KANK3: variants seen among roughly 807,000 people sequenced by gnomAD.
The protein encoded by KANK3 is KN motif and ankyrin repeat domains 3, also known as KN motif and ankyrin repeat domain-containing protein 3.
A neutral mutation model predicts 65.4 loss-of-function variants in KANK3; 61 were observed. The ratio of observed to expected loss-of-function variants is 0.93; its 90% CI spans 0.76 to 1.15. The LOEUF (loss-of-function observed/expected upper bound fraction) is 1.15, where lower values mean the gene tolerates loss of function less well. Among genes scored for constraint, KANK3 ranks in the 50% most tolerant of loss-of-function variants. The pLI is 0.00. For synonymous variants in KANK3, 586 were observed against 543.3 expected, an observed-to-expected ratio of 1.08 and a Z score of -1.09; for missense variants, 1,187 against 1,178.8, an observed-to-expected ratio of 1.01 and a Z score of -0.10.
At position 8,335,604 on chromosome 19, in the gene KANK3, C is replaced by G. The variant is rs1970623379; in HGVS notation, c.223G>C (p.Ala75Pro). 8.1e-7 allele frequency: 1 copy of G among 1,233,376 alleles called. No homozygotes were observed. Among genetic ancestry groups the G allele is most frequent in the East Asian group, 3.2e-5 (1 of 30,772 alleles). The allele number at this position is 1,233,376 out of a possible 1,614,324, so 76.4% of individuals were successfully genotyped here. A position where few individuals can be genotyped will look rare whatever the true frequency, so the allele number is the denominator to read the frequency against. ...PGPPTSRRPR[A>P]PRPGLAGARS... ...GCGCCCGCGAGGCCGGGCCGGGGCG[C>G]GCGGGGACGGCGCGAGGTCGGGGGT... is the stretch of plus-strand genomic sequence containing the variant. The change falls in exon 3 of 11, where the codon GCG becomes CCG. Residue 75 changes from alanine to proline, a missense_variant. Ala to Pro is a conservative substitution (Grantham distance 27). Coordinates refer to ENST00000330915, the MANE Select transcript of KANK3 (RefSeq NM_198471.3).
At chr19:8,336,552 C>G (rs1297103959) in intron 2 of KANK3, among the ~76,000 whole-genome samples, 1 of 150,880 alleles carries the variant, frequency 6.6e-6, no homozygotes, top group Non-Finnish European at 1.5e-5. Context: ...ACCTGGGCAA[C>G]AAAGTGAGAC....
intron 7 of KANK3, among the ~76,000 whole-genome samples, chr19:8,326,697 T>C (rs1451009642): frequency 1.3e-5 from 2 of 148,382 alleles, no homozygotes; most frequent in South Asian, 2.1e-4. Context: ...CTCAGGAGGC[T>C]GAGGCAGAAG....
rs992165749 is a variant in KANK3, at chr19:8,335,034, C to T, written c.793G>A (p.Ala265Thr). 7.2e-6 allele frequency: 10 copies of T among 1,392,842 alleles called. No homozygotes were observed. In the African/African-American group the frequency reaches 9.1e-5, roughly 13 times the overall value. The allele number at this position is 1,392,842 out of a possible 1,614,324, so 86.3% of individuals were successfully genotyped here. Residue 265 changes from alanine to threonine, a missense_variant, in exon 3 of 11, where the codon GCC (alanine) becomes ACC (threonine). By Grantham distance (58) the Ala-to-Thr change is moderately conservative (BLOSUM62 0). Transcript: ENST00000330915. The stretch of plus-strand genomic sequence containing the variant: ...TCTGGGCTGTCAGCCCGGGGGCTGG[C>T]CCTGGCACGGCCGCCGCGCTCGGAG... Reference protein sequence around the residue: ...ATSERGGRARASPRADSPDGL... With the variant: ...ATSERGGRARTSPRADSPDGL...
rs752300222 is a variant in KANK3, at chr19:8,333,161, C to T, written c.1789G>A (p.Val597Met). ...CTCACCCCTTCCAGCATCCTGGCCA[C>T]GGGCTCCGCCTGAGAGCGCCGCTGG... ...SSQRRSQAEP[V>M]ARMLEGVRRL... Residue 597 changes from valine (V) to methionine (M), a missense_variant, in exon 7 of 11, where the codon GTG (valine) becomes ATG (methionine). Coordinates refer to ENST00000330915, the MANE Select transcript of KANK3 (RefSeq NM_198471.3). This position sits in a 1 kb window ranked among gnomAD's most constrained non-coding sequence, Gnocchi z 5.0. 9.9e-6 allele frequency: 16 copies of T among 1,612,894 alleles called. No homozygotes were observed. Among genetic ancestry groups the T allele is most frequent in the Non-Finnish European group, 1.3e-5 (15 of 1,179,932 alleles).
intron 7 of KANK3, among the ~76,000 whole-genome samples, chr19:8,329,749 C>CGGAA (rs1970493228): frequency 1.3e-5 from 2 of 152,176 alleles, no homozygotes; most frequent in South Asian, 4.1e-4. Flanking sequence ...CTTGGGCAGC[C>CGGAA]TTCCTGAGCC....
Position 8,334,565 on chromosome 19 carries a change from G to A in KANK3, c.1262C>T (p.Ala421Val). Reference protein sequence around the residue: ...KAAQTESPAEAPSLTQESSPG... With the variant: ...KAAQTESPAEVPSLTQESSPG... ...CGAGCTCTCCTGAGTCAAGGAGGGC[G>A]CCTCTGCCGGGGACTCGGTCTGCGC... Residue 421 changes from alanine to valine, a missense_variant, in exon 3 of 11, where the codon GCG becomes GTG. Physicochemically the swap from Ala to Val is moderately conservative, Grantham distance 64. Transcript: ENST00000330915. 6.3e-7 allele frequency: 1 copy of A among 1,598,602 alleles called. No homozygotes were observed. The highest frequency in any genetic ancestry group is 1.3e-5 in the African/African-American group (1 of 75,006).
chr19:8,325,724 T>C (rs1314859488), intron 7 of KANK3, among the ~76,000 whole-genome samples: 1 of 152,192 alleles, frequency 6.6e-6, no homozygotes, highest in Non-Finnish European at 1.5e-5. Context: ...TTTATTTTCA[T>C]GGCCACCACC....
In KANK3 at chr19:8,335,398, C is replaced by G; in HGVS notation, c.429G>C (p.Leu143=). Residue 143 remains leucine, a synonymous_variant, in exon 3 of 11, where the codon CTG becomes CTC. Transcript: ENST00000330915. The part of the protein sequence containing the change: ...TLRETSRRLE[L]AQTHERAPSP... ...TGGGCGCGCGCTCGTGTGTCTGCGC[C>G]AGCTCCAGCCGCCGGCTGGTCTCCC... 1 of 1,202,622 alleles carries G rather than the reference C, an allele frequency of 8.3e-7. No individual in the cohort carries two copies. Among genetic ancestry groups the G allele is most frequent in the Non-Finnish European group, 1.0e-6 (1 of 969,172 alleles). The allele number at this position is 1,202,622 out of a possible 1,614,324, so 74.5% of individuals were successfully genotyped here. A position where few individuals can be genotyped will look rare whatever the true frequency, so the allele number is the denominator to read the frequency against.
At chr19:8,329,143 C>T (rs1970480194) in intron 7 of KANK3, among the ~76,000 whole-genome samples, 1 of 140,110 alleles carries the variant, frequency 7.1e-6, no homozygotes, top group Non-Finnish European at 1.5e-5. Context: ...TGCACTCCAG[C>T]CTGGGTGACA....
At chr19:8,337,071 T>C in intron 2 of KANK3, among the ~76,000 whole-genome samples, 1 of 152,044 alleles carries the variant, frequency 6.6e-6, no homozygotes, top group Non-Finnish European at 1.5e-5. Context: ...CTTGCTCTGT[T>C]GCCCAGACTG....
chr19:8,327,277 G>A (rs35252095), intron 7 of KANK3, among the ~76,000 whole-genome samples: 22,143 of 151,852 alleles, frequency 0.15, 1,855 homozygotes, highest in Middle Eastern at 0.22. Context: ...CAAGGCAGGA[G>A]GATCACTTGA....
At chr19:8,330,325 T>C (rs1032175304) in intron 7 of KANK3, among the ~76,000 whole-genome samples, 2 of 152,144 alleles carry the variant, frequency 1.3e-5, no homozygotes, top group African/African-American at 4.8e-5. Flanking sequence ...CTGGGCACAC[T>C]GGCTCACGCC....
intron 7 of KANK3, among the ~76,000 whole-genome samples, chr19:8,332,579 G>A (rs1334080331): frequency 6.6e-6 from 1 of 151,582 alleles, no homozygotes; most frequent in Non-Finnish European, 1.5e-5. Context: ...AGCACTTTGG[G>A]AGGCCGGGGC....
At chr19:8,323,426 G>A (rs11260079) in intron 10 of KANK3, 21,856 of 154,280 alleles carry the variant, frequency 0.14, 1,729 homozygotes, top group African/African-American at 0.21. Context: ...TGCCAGGCGC[G>A]ATGGCTCACA....
intron 7 of KANK3, among the ~76,000 whole-genome samples, chr19:8,328,198 G>A (rs1027060103): frequency 3.3e-5 from 5 of 151,992 alleles, no homozygotes; most frequent in African/African-American, 1.2e-4. Flanking sequence ...GGATCAATTA[G>A]GCCCAGGAGT....
Position 8,335,603 on chromosome 19 carries a change from G to A in KANK3, c.224C>T (p.Ala75Val), listed in dbSNP as rs1234871871. The part of the protein sequence containing the change: ...PGPPTSRRPR[A>V]PRPGLAGARS... Reference sequence around the variant, plus strand: ...TGCGCCCGCGAGGCCGGGCCGGGGCGCGCGGGGACGGCGCGAGGTCGGGGG... The same window carrying A: ...TGCGCCCGCGAGGCCGGGCCGGGGCACGCGGGGACGGCGCGAGGTCGGGGG... Residue 75 changes from alanine (A) to valine (V), a missense_variant, in exon 3 of 11, where the codon GCG becomes GTG. Physicochemically the swap from Ala to Val is moderately conservative, Grantham distance 64 (BLOSUM62 0). Transcript: ENST00000330915. 1 of 1,232,772 alleles carries A rather than the reference G, an allele frequency of 8.1e-7. No individual in the cohort carries two copies. Among genetic ancestry groups the A allele is most frequent in the Non-Finnish European group, 1.0e-6 (1 of 983,792 alleles). The allele number at this position is 1,232,772 out of a possible 1,614,324, so 76.4% of individuals were successfully genotyped here.
Position 8,335,053 on chromosome 19 carries a change from C to A in KANK3, c.774G>T (p.Glu258Asp). 5 of 1,355,398 alleles carry A rather than the reference C, an allele frequency of 3.7e-6. No homozygotes were observed. The allele number at this position is 1,355,398 out of a possible 1,614,324, so 84.0% of individuals were successfully genotyped here. ...GGCTGGCCCTGGCACGGCCGCCGCG[C>A]TCGGAGGTGGCCAGGCGCTCGGTGA... ...RRLTERLATSERGGRARASPR... is the reference protein window; with the variant it reads ...RRLTERLATSDRGGRARASPR... The change falls in exon 3 of 11, where the codon GAG becomes GAT. Residue 258 changes from glutamate (E) to aspartate (D), a missense_variant. By Grantham distance (45) the Glu-to-Asp change is conservative. This residue lies in a region of KANK3 where 1,078 missense variants were observed against 1,038.2 expected (regional missense o/e 1.04). Transcript: ENST00000330915.
At chr19:8,332,275 T>C (rs1365401247) in intron 7 of KANK3, among the ~76,000 whole-genome samples, 1 of 151,894 alleles carries the variant, frequency 6.6e-6, no homozygotes, top group Non-Finnish European at 1.5e-5. Flanking sequence ...CCTCCCAGGT[T>C]CAAGCAATTC....
At chr19:8,326,309 A>T (rs1970426081) in intron 7 of KANK3, among the ~76,000 whole-genome samples, 1 of 151,978 alleles carries the variant, frequency 6.6e-6, no homozygotes, top group Non-Finnish European at 1.5e-5. Context: ...GGCACCTGTA[A>T]TCTCAGCTAC....
Sources: allele counts gnomAD v4.1 joint callset (sites outside exome capture counted in the v4.1 genomes callset), GRCh38; gene constraint gnomAD v4.1.1; regional missense constraint gnomAD v4.1.1; non-coding constraint Gnocchi (gnomAD v3.1); transcripts MANE v1.5; gene names NCBI Gene and HGNC (gene_info 2026-07-23, HGNC 2026-07-21).